The following BCAS3 variants were observed in gnomAD, a reference collection of about 807,000 sequenced individuals.
BCAS3 encodes the protein BCAS4/BCAS3 fusion.
BCAS3 carries 53 observed loss-of-function variants against 116.1 expected under a neutral mutation model. The observed-to-expected ratio is 0.46, with a 90% CI of 0.37 to 0.57. The LOEUF (loss-of-function observed/expected upper bound fraction) is 0.57. BCAS3 is among the 20% of genes least tolerant of loss of function. The pLI, the probability that BCAS3 is intolerant of heterozygous loss-of-function variation, is 0.00. For missense variants in BCAS3, 917 were observed against 1,165.4 expected (o/e 0.79, Z 3.10); for synonymous variants, 391 against 408.2 (o/e 0.96, Z 0.51).
intron 11 of BCAS3, among the ~76,000 whole-genome samples, chr17:60,907,415 A>G (rs914205479): frequency 1.3e-5 from 2 of 152,166 alleles, no homozygotes; most frequent in African/African-American, 4.8e-5. Flanking sequence ...TCCTAATGAC[A>G]ACTAACAGCT....
chr17:60,778,807 T>C (rs1352242162), intron 6 of BCAS3, among the ~76,000 whole-genome samples: 1 of 152,182 alleles, frequency 6.6e-6, no homozygotes, highest in Admixed American at 6.5e-5. Context: ...TTTGACCCTG[T>C]AGTAGTATTC....
chr17:60,775,085 A>G (rs1423591650), intron 6 of BCAS3, among the ~76,000 whole-genome samples: 2 of 152,236 alleles, frequency 1.3e-5, no homozygotes, highest in East Asian at 3.8e-4. Flanking sequence ...TAAATTTCAA[A>G]TTGAATTTCA....
At position 61,049,735 on chromosome 17, in the gene BCAS3, T is replaced by C. The variant is rs191034569; in HGVS notation, c.2029+8843T>C. Among the ~76,000 whole-genome samples the C allele has an allele frequency of 5.8e-3, 792 of 137,644 alleles. 6 individuals carry two copies. Among genetic ancestry groups the C allele is most frequent in the East Asian group, 0.028 (144 of 5,062 alleles). 90.3% of individuals were successfully genotyped at this position (137,644 alleles called of 152,430 possible). On this transcript the variant is annotated intron_variant, in intron 19 of 23. Transcript: ENST00000407086. ...CTTTTCTTTTCTTTTCTTTTCTTTT[T>C]TTTTTTTTTTTTTTGAGACGGAGTT...
chr17:60,796,954 GGA>G (rs568294357), intron 6 of BCAS3, among the ~76,000 whole-genome samples: 19 of 152,272 alleles, frequency 1.2e-4, no homozygotes, highest in Non-Finnish European at 2.2e-4. Flanking sequence ...TTCCCATGCT[GGA>G]GTGCTGTGGC....
chr17:60,843,005 A>G (rs1366216422), intron 7 of BCAS3, among the ~76,000 whole-genome samples: 1 of 151,604 alleles, frequency 6.6e-6, no homozygotes, highest in Non-Finnish European at 1.5e-5. Flanking sequence ...CTAAGCAGCT[A>G]GGAATGTAGG....
rs1010102511 is a variant in BCAS3 at position 61,019,009 on chromosome 17, T to A, written c.1637+3108T>A. Among the ~76,000 whole-genome samples the A allele has an allele frequency of 3.3e-5, 5 of 152,196 alleles. No individual in the cohort carries two copies. The highest frequency in any genetic ancestry group is 1.2e-4 in the African/African-American group (5 of 41,446). On this transcript the variant is annotated intron_variant, in intron 16 of 23. Coordinates refer to ENST00000407086, the MANE Select transcript of BCAS3 (RefSeq NM_017679.5). This position sits in a 1 kb window ranked among gnomAD's most constrained non-coding sequence, Gnocchi z 5.6. ...TATAGAGTACAGTGACTGATAAGACTTTGATGATAGTGGTCAGTCATACTT... is the reference window on the plus strand; with the variant it reads ...TATAGAGTACAGTGACTGATAAGACATTGATGATAGTGGTCAGTCATACTT...
At chr17:61,280,176 C>T (rs907677782) in intron 22 of BCAS3, among the ~76,000 whole-genome samples, 4 of 152,164 alleles carry the variant, frequency 2.6e-5, no homozygotes, top group African/African-American at 9.7e-5. Flanking sequence ...CCAAAGTTAC[C>T]CACCAAGTTA....
intron 6 of BCAS3, among the ~76,000 whole-genome samples, chr17:60,795,580 A>AGGC (rs2047142980): frequency 6.6e-6 from 1 of 152,182 alleles, no homozygotes; most frequent in Non-Finnish European, 1.5e-5. Flanking sequence ...TATTACATTA[A>AGGC]GGCATGTCCC....
chr17:61,384,380 C>A (rs2143642114), intron 23 of BCAS3: 1 of 152,382 alleles, frequency 6.6e-6, no homozygotes, highest in African/African-American at 2.4e-5. Flanking sequence ...CTTCTTAAAG[C>A]CCCCCACTTG....
At chr17:60,968,817 T>G in intron 14 of BCAS3, among the ~76,000 whole-genome samples, 1 of 152,084 alleles carries the variant, frequency 6.6e-6, no homozygotes, top group South Asian at 2.1e-4. Flanking sequence ...GGGCTAGGGA[T>G]GGTAGTCTAG....
chr17:60,793,174 T>A (rs191232256), intron 6 of BCAS3, among the ~76,000 whole-genome samples: 51 of 152,300 alleles, frequency 3.3e-4, no homozygotes, highest in Admixed American at 2.6e-3. Context: ...TTCTGCTCAC[T>A]GCAACTTCTG....
intron 22 of BCAS3, among the ~76,000 whole-genome samples, chr17:61,117,485 C>G (rs1286148785): frequency 6.6e-6 from 1 of 152,062 alleles, no homozygotes; most frequent in Admixed American, 6.6e-5. Context: ...GACCCAACTA[C>G]TAGGGAGGCC....
chr17:60,943,405 C>T (rs1025550870), intron 13 of BCAS3, among the ~76,000 whole-genome samples: 1 of 152,036 alleles, frequency 6.6e-6, no homozygotes, highest in Admixed American at 6.6e-5. Flanking sequence ...ATATACCATG[C>T]AAGTACCAAT....
chr17:60,940,162 A>G (rs768078121), intron 13 of BCAS3, among the ~76,000 whole-genome samples: 2 of 152,242 alleles, frequency 1.3e-5, no homozygotes, highest in Admixed American at 6.5e-5. Flanking sequence ...CACTTTATAT[A>G]GATTTTTCCA....
intron 10 of BCAS3, among the ~76,000 whole-genome samples, chr17:60,897,705 CTTAT>C (rs935917588): frequency 2.0e-5 from 3 of 151,622 alleles, no homozygotes; most frequent in South Asian, 4.2e-4. Flanking sequence ...TTTTATTTTA[CTTAT>C]TTATTTATTT....
chr17:60,977,012 G>A (rs1034911592), intron 14 of BCAS3, among the ~76,000 whole-genome samples: 5 of 151,826 alleles, frequency 3.3e-5, no homozygotes, highest in Admixed American at 6.6e-5. Flanking sequence ...CAGACGGGGC[G>A]GCCGGGCAGA....
chr17:61,249,095 G>A lies in BCAS3; in HGVS notation c.2426-119232G>A, dbSNP rs2048180212. Among the ~76,000 whole-genome samples the A allele has an allele frequency of 6.6e-6, 1 of 152,128 alleles. No individual in the cohort carries two copies. The highest frequency in any genetic ancestry group is 2.4e-5 in the African/African-American group (1 of 41,418). Reference sequence around the variant, plus strand: ...GAGGTGAGGAGTTTGAGACCAGCCTGGCCAACATGGTGAAACCCCATCTCT... The same window carrying A: ...GAGGTGAGGAGTTTGAGACCAGCCTAGCCAACATGGTGAAACCCCATCTCT... On this transcript the variant is annotated intron_variant, in intron 22 of 23. Coordinates refer to ENST00000407086, the MANE Select transcript of BCAS3 (RefSeq NM_017679.5). The surrounding 1 kb of genome is among the most constrained non-coding windows in gnomAD (Gnocchi z 6.2).
chr17:61,331,197 A>T (rs775286938), intron 22 of BCAS3, among the ~76,000 whole-genome samples: 1 of 152,096 alleles, frequency 6.6e-6, no homozygotes, highest in Non-Finnish European at 1.5e-5. Flanking sequence ...GGGGTAGGGG[A>T]TGGAGAAGAT....
rs1235086045 is a variant in BCAS3 at position 61,300,096 on chromosome 17, A to G, written c.2426-68231A>G. On this transcript the variant is annotated intron_variant, in intron 22 of 23. Transcript: ENST00000407086. This position sits in a 1 kb window ranked among gnomAD's most constrained non-coding sequence, Gnocchi z 5.1. Reference sequence around the variant, plus strand: ...TAAATGTAACCCAGAGCTGTTTAGTACAGTACTAGGCAGAAGGTGCTTTCT... The same window carrying G: ...TAAATGTAACCCAGAGCTGTTTAGTGCAGTACTAGGCAGAAGGTGCTTTCT... Among the ~76,000 whole-genome samples, 1 of 152,184 alleles carries G rather than the reference A, an allele frequency of 6.6e-6. No homozygotes were observed. Among genetic ancestry groups the G allele is most frequent in the African/African-American group, 2.4e-5 (1 of 41,444 alleles).
Sources: gnomAD v4.1 joint callset for allele counts (sites outside exome capture counted in the v4.1 genomes callset) on GRCh38, gnomAD v4.1.1 for gene constraint, Gnocchi (gnomAD v3.1) non-coding constraint, MANE v1.5 for transcripts, NCBI Gene and HGNC (gene_info 2026-07-23, HGNC 2026-07-21) for gene names.